ULK4: variants seen among roughly 807,000 people sequenced by gnomAD.
ULK4 encodes the protein inactive serine/threonine-protein kinase ULK4.
ULK4 carries 133 observed loss-of-function variants against 160.6 expected under a neutral mutation model. The observed-to-expected ratio is 0.83, with a 90% CI of 0.72 to 0.96. ULK4 has a LOEUF of 0.96. ULK4 is among the 40% of genes least tolerant of loss of function. The pLI, the probability that ULK4 is intolerant of heterozygous loss-of-function variation, is 0.00. For synonymous variants in ULK4, 534 were observed against 539.8 expected (o/e 0.99, Z 0.15); for missense variants, 1,580 against 1,499.5 (o/e 1.05, Z -0.89).
At chr3:41,936,023 G>A (rs892123635) in intron 3 of ULK4, 83 bp from the exon 4 acceptor site, 20 of 1,529,614 alleles carry the variant, frequency 1.3e-5, no homozygotes, top group East Asian at 4.6e-5. Flanking sequence ...TGACAGATAC[G>A]AACATTAAAA....
intron 35 of ULK4, among the ~76,000 whole-genome samples, chr3:41,266,792 A>C (rs1200497922): frequency 2.0e-5 from 3 of 152,070 alleles, no homozygotes; most frequent in African/African-American, 4.8e-5. Flanking sequence ...CAGAGGGGTG[A>C]AGGGGGAGCT....
chr3:41,884,873 T>C (rs925378384), intron 16 of ULK4, among the ~76,000 whole-genome samples: 4 of 152,212 alleles, frequency 2.6e-5, no homozygotes, highest in South Asian at 2.1e-4. Flanking sequence ...TAGGCAATTG[T>C]AGAATTAGCA....
intron 34 of ULK4, among the ~76,000 whole-genome samples, chr3:41,416,359 T>C (rs867844303): frequency 2.3e-4 from 35 of 152,218 alleles, no homozygotes; most frequent in African/African-American, 8.0e-4. Flanking sequence ...CAGGTCCTCA[T>C]TACATTGTGG....
rs1349317692 is a variant in ULK4, at chr3:41,910,346, C to T, written c.1085+971G>A. The stretch of plus-strand genomic sequence containing the variant: ...GGGCACTGTGGCTCATGTGTGTAAT[C>T]GCAGCACTCTGGGAGGCCTGGTGGA... On this transcript the variant is annotated intron_variant, in intron 11 of 36. Coordinates refer to ENST00000301831, the MANE Select transcript of ULK4 (RefSeq NM_017886.4). Among the ~76,000 whole-genome samples, 8 of 152,062 alleles carry T rather than the reference C, an allele frequency of 5.3e-5. No homozygotes were observed. The South Asian group carries it at 1.0e-3, about 20-fold the overall frequency.
intron 31 of ULK4, among the ~76,000 whole-genome samples, chr3:41,582,527 G>GCC (rs2030453489): frequency 6.6e-6 from 1 of 152,182 alleles, no homozygotes. Flanking sequence ...CTCATGGTCA[G>GCC]CCCCATAGAG....
At chr3:41,345,944 T>C (rs553780155) in intron 35 of ULK4, among the ~76,000 whole-genome samples, 89 of 152,116 alleles carry the variant, frequency 5.9e-4, no homozygotes, top group Middle Eastern at 3.4e-3. Context: ...GGACAGGGGC[T>C]GGTGTTGGGA....
intron 18 of ULK4, among the ~76,000 whole-genome samples, chr3:41,822,650 C>T (rs143607426): frequency 0.071 from 10,702 of 150,690 alleles, 1,193 homozygotes; most frequent in African/African-American, 0.24. Flanking sequence ...AACTCCTGAG[C>T]TCAGGTGATC....
chr3:41,703,144 A>T (rs7633624), intron 27 of ULK4, among the ~76,000 whole-genome samples: 2,016 of 152,216 alleles, frequency 0.013, 35 homozygotes, highest in African/African-American at 0.046. Context: ...GTGATCCACC[A>T]TGCCGGGCCA....
In ULK4 at chr3:41,490,051, G is replaced by A. The variant is rs1295834877; in HGVS notation, c.3227-26798C>T. On this transcript the variant is annotated intron_variant, in intron 32 of 36. Transcript: ENST00000301831. ...GCTATCTTCACCCACTCAACCCACAGCTGTTACTCAGTCCTGACTGTGCCC... is the reference window on the plus strand; with the variant it reads ...GCTATCTTCACCCACTCAACCCACAACTGTTACTCAGTCCTGACTGTGCCC... 3.3e-5 allele frequency among the ~76,000 whole-genome samples: 5 copies of A among 152,124 alleles called. No homozygotes were observed. In the East Asian group the frequency reaches 7.7e-4, roughly 23 times the overall value.
At chr3:41,715,113 A>C (rs1413480399) in intron 25 of ULK4, 124 bp downstream of exon 25, 1 of 929,466 alleles carries the variant, frequency 1.1e-6, no homozygotes, top group Non-Finnish European at 1.7e-6. Flanking sequence ...TTAAAAGGTC[A>C]CTTCCCTAGA....
At position 41,635,428 on chromosome 3, in the gene ULK4, A is replaced by G. The variant is rs910446268; in HGVS notation, c.3072-19711T>C. On this transcript the variant is annotated intron_variant, in intron 30 of 36. Transcript: ENST00000301831. ...AAGAATTATAATTTTACAACTGTAC[A>G]TATTTATATAAATATATAGAAGCAT... 5.3e-5 allele frequency among the ~76,000 whole-genome samples: 8 copies of G among 152,148 alleles called. No homozygotes were observed. In the South Asian group the frequency reaches 1.7e-3, roughly 32 times the overall value.
At chr3:41,406,674 T>C (rs1372494559) in intron 34 of ULK4, among the ~76,000 whole-genome samples, 2 of 152,220 alleles carry the variant, frequency 1.3e-5, no homozygotes, top group Non-Finnish European at 2.9e-5. Flanking sequence ...CTCATTCTGC[T>C]CATTCTCTTT....
chr3:41,892,374 A>G (rs1697997486), intron 16 of ULK4, among the ~76,000 whole-genome samples: 1 of 152,254 alleles, frequency 6.6e-6, no homozygotes, highest in Non-Finnish European at 1.5e-5. Context: ...GCTGTTAGCA[A>G]AAAACAAAAA....
At chr3:41,364,207 G>A (rs2081206050) in intron 35 of ULK4, among the ~76,000 whole-genome samples, 1 of 152,146 alleles carries the variant, frequency 6.6e-6, no homozygotes, top group African/African-American at 2.4e-5. Context: ...CAAAGTGCTG[G>A]GATTATAGGT....
At chr3:41,342,763 A>C (rs1277973187) in intron 35 of ULK4, among the ~76,000 whole-genome samples, 1 of 152,208 alleles carries the variant, frequency 6.6e-6, no homozygotes, top group Non-Finnish European at 1.5e-5. Context: ...ACACCGATGT[A>C]AAAATCCTCA....
intron 15 of ULK4, among the ~76,000 whole-genome samples, chr3:41,896,442 C>T (rs1360551868): frequency 1.3e-5 from 2 of 152,068 alleles, no homozygotes; most frequent in African/African-American, 4.8e-5. Flanking sequence ...TTAGTAGAGA[C>T]AGGGTTTCAC....
intron 35 of ULK4, among the ~76,000 whole-genome samples, chr3:41,287,604 T>A (rs1346673229): frequency 6.6e-6 from 1 of 152,214 alleles, no homozygotes; most frequent in African/African-American, 2.4e-5. Flanking sequence ...GGATACATTC[T>A]AGTCTCCTTT....
chr3:41,490,265 G>T (rs1251594849), intron 32 of ULK4, among the ~76,000 whole-genome samples: 1 of 152,090 alleles, frequency 6.6e-6, no homozygotes, highest in African/African-American at 2.4e-5. Context: ...ACTGATAAGG[G>T]AGCCTGAGCA....
chr3:41,423,570 G>A (rs1167000159), intron 34 of ULK4, among the ~76,000 whole-genome samples: 7 of 152,142 alleles, frequency 4.6e-5, no homozygotes, highest in South Asian at 4.2e-4. Flanking sequence ...ATTCAAAAGC[G>A]TCTTACAGAG....
Sources: gnomAD v4.1 joint callset for allele counts (sites outside exome capture counted in the v4.1 genomes callset) on GRCh38, gnomAD v4.1.1 for gene constraint, MANE v1.5 for transcripts, NCBI Gene and HGNC (gene_info 2026-07-23, HGNC 2026-07-21) for gene names.